SORCS2: variants seen among roughly 807,000 people sequenced by gnomAD.
The protein encoded by SORCS2 is VPS10 domain-containing receptor SorCS2.
SORCS2 carries 100 observed loss-of-function variants against 141.6 expected under a neutral mutation model. The observed-to-expected ratio is 0.71, with a 90% confidence interval of 0.60 to 0.83. The LOEUF (loss-of-function observed/expected upper bound fraction) is 0.83. SORCS2 is among the 40% of genes least tolerant of loss of function. The pLI is 0.00. For synonymous variants in SORCS2, 789 were observed against 676.9 expected (o/e 1.17, Z -2.57); for missense variants, 1,646 against 1,560.2 (o/e 1.05, Z -0.93).
intron 2 of SORCS2, among the ~76,000 whole-genome samples, chr4:7,530,485 G>A (rs911269851): frequency 2.6e-5 from 4 of 152,208 alleles, no homozygotes; most frequent in Non-Finnish European, 4.4e-5. Context: ...CCCCACGGCC[G>A]TGTGTTCCAC....
At chr4:7,518,399 C>T (rs1432614994) in intron 2 of SORCS2, among the ~76,000 whole-genome samples, 3 of 152,186 alleles carry the variant, frequency 2.0e-5, no homozygotes, top group Non-Finnish European at 2.9e-5. Context: ...TCCCACTTCA[C>T]TCCTGCTGGG....
chr4:7,596,715 C>A (rs768209705), intron 3 of SORCS2, among the ~76,000 whole-genome samples: 2 of 152,150 alleles, frequency 1.3e-5, no homozygotes, highest in African/African-American at 2.4e-5. Context: ...GTGGAAGTTT[C>A]TCCATTGGGC....
Position 7,213,949 on chromosome 4 carries a change from G to A in SORCS2, c.480+20823G>A, listed in dbSNP as rs142846083. Among the ~76,000 whole-genome samples the A allele has an allele frequency of 3.9e-3, 591 of 152,332 alleles. 6 individuals carry two copies. The highest frequency in any genetic ancestry group is 0.013 in the African/African-American group (540 of 41,564). Reference sequence around the variant, plus strand: ...CATGTCCCTGCCCCAGAGCTGTGAGGTTCCCTGCAGCGAGTGAGCCATGGG... The same window carrying A: ...CATGTCCCTGCCCCAGAGCTGTGAGATTCCCTGCAGCGAGTGAGCCATGGG... On this transcript the variant is annotated intron_variant, in intron 1 of 26. Coordinates refer to ENST00000507866, the MANE Select transcript of SORCS2 (RefSeq NM_020777.3).
intron 2 of SORCS2, among the ~76,000 whole-genome samples, chr4:7,461,448 C>A (rs1009142263): frequency 6.6e-6 from 1 of 152,226 alleles, no homozygotes; most frequent in African/African-American, 2.4e-5. Flanking sequence ...CTGCACACTG[C>A]GTGTGATCAG....
intron 14 of SORCS2, among the ~76,000 whole-genome samples, chr4:7,711,042 C>T (rs917879206): frequency 1.1e-4 from 17 of 152,182 alleles, no homozygotes; most frequent in African/African-American, 3.1e-4. Context: ...GCTCCCTCGA[C>T]GAGCTGGCCT....
rs2108925761 is a variant in SORCS2 at position 7,664,866 on chromosome 4, C to T, written c.1071+395C>T. On this transcript the variant is annotated intron_variant, in intron 7 of 26. Coordinates refer to ENST00000507866, the MANE Select transcript of SORCS2 (RefSeq NM_020777.3). This position sits in a 1 kb window ranked among gnomAD's most constrained non-coding sequence, Gnocchi z 4.7. ...AGCCCTGTGACCAGGACTCTGCTGC[C>T]TGTGCCCTCAGGTCACAAGTGGGCC... Among the ~76,000 whole-genome samples the T allele has an allele frequency of 6.6e-6, 1 of 152,358 alleles. No individual in the cohort carries two copies. The highest frequency in any genetic ancestry group is 1.5e-5 in the Non-Finnish European group (1 of 68,042).
chr4:7,228,748 C>A (rs1214555308), intron 1 of SORCS2, among the ~76,000 whole-genome samples: 1 of 152,348 alleles, frequency 6.6e-6, no homozygotes, highest in African/African-American at 2.4e-5. Context: ...TCCAGCTGCT[C>A]TGGGGCTGCT....
chr4:7,701,076 C>T (rs1285544487), intron 12 of SORCS2, among the ~76,000 whole-genome samples: 1 of 152,214 alleles, frequency 6.6e-6, no homozygotes, highest in Non-Finnish European at 1.5e-5. Context: ...TGGGCAGCAG[C>T]ACCCCCACCA....
At chr4:7,655,838 G>T (rs1281732948) in intron 5 of SORCS2, among the ~76,000 whole-genome samples, 2 of 152,222 alleles carry the variant, frequency 1.3e-5, no homozygotes, top group Non-Finnish European at 2.9e-5. Flanking sequence ...TCACTCCCGG[G>T]CCAGGCCGGG....
At chr4:7,334,614 C>G (rs1332701902) in intron 1 of SORCS2, among the ~76,000 whole-genome samples, 1 of 152,164 alleles carries the variant, frequency 6.6e-6, no homozygotes. Context: ...TCAGTTCCTG[C>G]AGCAACAGGG....
chr4:7,575,523 G>C (rs1715691623), intron 3 of SORCS2, among the ~76,000 whole-genome samples: 1 of 152,174 alleles, frequency 6.6e-6, no homozygotes, highest in Non-Finnish European at 1.5e-5. Flanking sequence ...TCATAACATT[G>C]ACAGTTGTAA....
Position 7,433,361 on chromosome 4 carries a change from T to A in SORCS2, c.548+37006T>A, listed in dbSNP as rs371617705. 27 of 1,447,320 alleles carry A rather than the reference T, an allele frequency of 1.9e-5. No individual in the cohort carries two copies. In the African/African-American group the frequency reaches 3.6e-4, roughly 19 times the overall value. 89.7% of individuals were successfully genotyped at this position (1,447,320 alleles called of 1,614,324 possible). ...AGGTGCATCTCTTTCCATACATGCTTCTGGCAGTGTTGCACAGCGTTGCAC... is the reference window on the plus strand; with the variant it reads ...AGGTGCATCTCTTTCCATACATGCTACTGGCAGTGTTGCACAGCGTTGCAC... On this transcript the variant is annotated intron_variant, in intron 2 of 26. Transcript: ENST00000507866.
At chr4:7,686,200 C>A (rs1233249769) in intron 10 of SORCS2, among the ~76,000 whole-genome samples, 1 of 152,178 alleles carries the variant, frequency 6.6e-6, no homozygotes, top group Non-Finnish European at 1.5e-5. Flanking sequence ...GTGGTGTGAT[C>A]AGATCTGTTT....
At chr4:7,311,424 G>C (rs61685325) in intron 1 of SORCS2, among the ~76,000 whole-genome samples, 1 of 152,238 alleles carries the variant, frequency 6.6e-6, no homozygotes, top group East Asian at 1.9e-4. Context: ...TTTCTCTCGG[G>C]TAAATATCTG....
chr4:7,614,254 C>T (rs1718608581), intron 3 of SORCS2, among the ~76,000 whole-genome samples: 2 of 151,034 alleles, frequency 1.3e-5, no homozygotes, highest in Non-Finnish European at 2.9e-5. Context: ...ATCCGTCCAC[C>T]CATCCACTCA....
intron 26 of SORCS2, among the ~76,000 whole-genome samples, chr4:7,738,257 GCA>G (rs1712359187): frequency 6.6e-6 from 1 of 152,250 alleles, no homozygotes. Flanking sequence ...CAGGGCCGTG[GCA>G]CCAGCCCTGC....
At chr4:7,405,059 A>G (rs1724883970) in intron 2 of SORCS2, among the ~76,000 whole-genome samples, 1 of 152,140 alleles carries the variant, frequency 6.6e-6, no homozygotes, top group African/African-American at 2.4e-5. Flanking sequence ...GTCCGTTTTC[A>G]TTCTTCTGCA....
chr4:7,346,299 G>A (rs139927130), intron 1 of SORCS2, among the ~76,000 whole-genome samples: 2 of 152,180 alleles, frequency 1.3e-5, no homozygotes, highest in East Asian at 3.9e-4. Flanking sequence ...TTGAGCCATG[G>A]ATTATTTGGA....
chr4:7,685,449 G>T (rs1212426459), intron 10 of SORCS2, among the ~76,000 whole-genome samples: 2 of 152,162 alleles, frequency 1.3e-5, no homozygotes, highest in Non-Finnish European at 2.9e-5. Context: ...GAGGCAGGCA[G>T]ATCACCTGAG....
Sources: allele counts gnomAD v4.1 joint callset (sites outside exome capture counted in the v4.1 genomes callset), GRCh38; gene constraint gnomAD v4.1.1; non-coding constraint Gnocchi (gnomAD v3.1); transcripts MANE v1.5; gene names NCBI Gene and HGNC (gene_info 2026-07-23, HGNC 2026-07-21).